The following FASTKD1 variants were observed in gnomAD, a reference collection of about 807,000 sequenced individuals.
The protein encoded by FASTKD1 is FAST kinase domains 1.
FASTKD1 carries 94 observed loss-of-function variants against 90.9 expected under a neutral mutation model. The ratio of observed to expected loss-of-function variants is 1.03; its 90% CI spans 0.88 to 1.23. FASTKD1 has a LOEUF of 1.23. Among genes scored for constraint, FASTKD1 ranks in the 50% most tolerant of loss-of-function variants. The pLI, the probability that FASTKD1 is intolerant of heterozygous loss-of-function variation, is 0.00. For synonymous variants in FASTKD1, 319 were observed against 345.8 expected (o/e 0.92, Z 0.86); for missense variants, 945 against 993.5 (o/e 0.95, Z 0.66).
At chr2:169,568,545 C>G (rs1051080799) in intron 3 of FASTKD1, among the ~76,000 whole-genome samples, 1 of 145,906 alleles carries the variant, frequency 6.9e-6, no homozygotes, top group South Asian at 2.1e-4. Context: ...ATAAACCCAG[C>G]ACTTTGTGAG....
Position 169,548,405 on chromosome 2 carries a change from C to T in FASTKD1, c.1215-1701G>A, listed in dbSNP as rs543120454. On this transcript the variant is annotated intron_variant, in intron 7 of 14. Coordinates refer to ENST00000453153, the MANE Select transcript of FASTKD1 (RefSeq NM_024622.6). ...ATCCCCATGGCAAGAGTCCCACCACCAGGACAATAATTGTTAAAAAAAAAA... is the reference window on the plus strand; with the variant it reads ...ATCCCCATGGCAAGAGTCCCACCACTAGGACAATAATTGTTAAAAAAAAAA... 9.0e-5 allele frequency among the ~76,000 whole-genome samples: 13 copies of T among 144,562 alleles called. No homozygotes were observed. In the South Asian group the frequency reaches 2.9e-3, roughly 32 times the overall value. 94.8% of individuals were successfully genotyped at this position (144,562 alleles called of 152,430 possible).
rs146923330 is a variant in FASTKD1, at chr2:169,540,171, C to A, written c.1825G>T (p.Asp609Tyr). The A allele has an allele frequency of 3.2e-6, 5 of 1,556,272 alleles. No homozygotes were observed. Among genetic ancestry groups the A allele is most frequent in the African/African-American group, 1.4e-5 (1 of 72,688 alleles). ...CCAAGAAACACTAATATAAAAGGAT[C>A]CAATATACCTAAAAGAAAATTAAGA... ...QHLNSYLGILDPFILVFLGFS... is the reference protein window; with the variant it reads ...QHLNSYLGILYPFILVFLGFS... Residue 609 changes from aspartate (D) to tyrosine (Y), a missense_variant, in exon 10 of 15, where the codon GAT becomes TAT. By Grantham distance (160) the Asp-to-Tyr change is radical. Coordinates refer to ENST00000453153, the MANE Select transcript of FASTKD1 (RefSeq NM_024622.6).
chr2:169,567,986 ATAAT>A (rs1158558389), intron 3 of FASTKD1, among the ~76,000 whole-genome samples: 2 of 152,242 alleles, frequency 1.3e-5, no homozygotes, highest in African/African-American at 4.8e-5. Context: ...CTTCTGATAT[ATAAT>A]TAGAGAATAA....
intron 3 of FASTKD1, 47 bp from the exon 4 acceptor site, chr2:169,563,397 T>G (rs781189182): frequency 3.0e-6 from 4 of 1,340,602 alleles, no homozygotes; most frequent in Non-Finnish European, 4.1e-6. Flanking sequence ...TTACTTTCAC[T>G]TAAAACACAT....
Position 169,560,762 on chromosome 2 carries a change from T to C in FASTKD1, c.596A>G (p.Asn199Ser), listed in dbSNP as rs1683554011. 2 of 1,574,356 alleles carry C rather than the reference T, an allele frequency of 1.3e-6. No homozygotes were observed. The highest frequency in any genetic ancestry group is 1.4e-5 in the African/African-American group (1 of 72,910). Reference sequence around the variant, plus strand: ...ATGTCGTGATATTAAAGAAGATATGTTGACCATCAAGACAGACAAGGAACT... The same window carrying C: ...ATGTCGTGATATTAAAGAAGATATGCTGACCATCAAGACAGACAAGGAACT... ...DLSSLSVLMV[N>S]ISSLISRHFQ... Residue 199 changes from asparagine to serine, a missense_variant, in exon 5 of 15, where the codon AAC becomes AGC. Physicochemically the swap from Asn to Ser is conservative, Grantham distance 46. Coordinates refer to ENST00000453153, the MANE Select transcript of FASTKD1 (RefSeq NM_024622.6).
intron 7 of FASTKD1, among the ~76,000 whole-genome samples, chr2:169,552,120 A>T (rs1206084800): frequency 6.6e-6 from 1 of 152,210 alleles, no homozygotes; most frequent in African/African-American, 2.4e-5. Flanking sequence ...GGAAGAAGGT[A>T]ATTCTGAAAC....
intron 2 of FASTKD1, among the ~76,000 whole-genome samples, chr2:169,569,848 C>T (rs1367161523): frequency 6.6e-6 from 1 of 152,008 alleles, no homozygotes; most frequent in African/African-American, 2.4e-5. Flanking sequence ...GAGACTCCAC[C>T]TCATAAATAA....
chr2:169,562,396 C>A (rs113083663), intron 4 of FASTKD1, among the ~76,000 whole-genome samples: 46 of 151,922 alleles, frequency 3.0e-4, no homozygotes, highest in African/African-American at 1.1e-3. Context: ...CCATGCCCAG[C>A]TAATTTTGTA....
intron 12 of FASTKD1, among the ~76,000 whole-genome samples, chr2:169,534,589 A>C (rs1684647569): frequency 6.6e-6 from 1 of 151,012 alleles, no homozygotes; most frequent in African/African-American, 2.4e-5. Flanking sequence ...CCTCAGGAGT[A>C]GCTGGGATTA....
chr2:169,564,010 G>C (rs1013108008), intron 3 of FASTKD1, among the ~76,000 whole-genome samples: 1 of 152,064 alleles, frequency 6.6e-6, no homozygotes, highest in Non-Finnish European at 1.5e-5. Context: ...GATCCTTTTT[G>C]GGTGAGAGGA....
At chr2:169,537,867 A>G in intron 11 of FASTKD1, 146 bp downstream of exon 11, 1 of 612,390 alleles carries the variant, frequency 1.6e-6, no homozygotes, top group East Asian at 3.1e-5. Context: ...TGTTTCACCT[A>G]CAATATCTCA....
In FASTKD1 at chr2:169,559,077, C is replaced by T. The variant is rs556972078; in HGVS notation, c.971+1310G>A. Among the ~76,000 whole-genome samples, 214 of 150,986 alleles carry T rather than the reference C, an allele frequency of 1.4e-3. 1 individual carries two copies. Among genetic ancestry groups the T allele is most frequent in the African/African-American group, 5.0e-3 (207 of 41,110 alleles). ...GCAACCTGCACCTCCCGGGTTCAAG[C>T]GATTCTCCTGCCTCAGCCTCCCGAG... On this transcript the variant is annotated intron_variant, in intron 5 of 14. Coordinates refer to ENST00000453153, the MANE Select transcript of FASTKD1 (RefSeq NM_024622.6).
Position 169,566,471 on chromosome 2 carries a change from G to A in FASTKD1, c.446+2713C>T, listed in dbSNP as rs530918329. On this transcript the variant is annotated intron_variant, in intron 3 of 14. Transcript: ENST00000453153. ...TTTTTAAAAAAAATTTGGATTTCTT[G>A]GGAGGCCAAGGTAGGAGGATTCCTT... is the stretch of plus-strand genomic sequence containing the variant. 3.3e-5 allele frequency among the ~76,000 whole-genome samples: 5 copies of A among 152,216 alleles called. No homozygotes were observed. In the South Asian group the frequency reaches 8.3e-4, roughly 25 times the overall value.
chr2:169,556,002 C>T (rs911136982), intron 6 of FASTKD1, among the ~76,000 whole-genome samples: 1 of 151,108 alleles, frequency 6.6e-6, no homozygotes, highest in Non-Finnish European at 1.5e-5. Flanking sequence ...TAGTAAGACC[C>T]TATCTCTACA....
intron 9 of FASTKD1, among the ~76,000 whole-genome samples, chr2:169,541,723 T>C (rs1181712839): frequency 3.3e-5 from 5 of 152,232 alleles, no homozygotes; most frequent in Non-Finnish European, 7.3e-5. Context: ...TAACATGTTA[T>C]GCTGGATATG....
At chr2:169,556,731 A>G (rs1478469912) in intron 6 of FASTKD1, among the ~76,000 whole-genome samples, 1 of 152,164 alleles carries the variant, frequency 6.6e-6, no homozygotes, top group Non-Finnish European at 1.5e-5. Context: ...AGGCTGAGAC[A>G]GGAGAATCGC....
chr2:169,536,530 T>C (rs1236568070), intron 12 of FASTKD1, among the ~76,000 whole-genome samples: 1 of 152,194 alleles, frequency 6.6e-6, no homozygotes, highest in Non-Finnish European at 1.5e-5. Flanking sequence ...ACACTGTTAG[T>C]TTATACCAAG....
In FASTKD1 at chr2:169,529,748, ATTT is replaced by A; in HGVS notation, c.*74_*76del. On this transcript the variant is annotated 3_prime_UTR_variant, in exon 15 of 15. Coordinates refer to ENST00000453153, the MANE Select transcript of FASTKD1 (RefSeq NM_024622.6). ...TTCCCACCTTAGGACATTTGTACCT[ATTT>A]TTTAATTGAGACAGGCCACTTTATT... The A allele has an allele frequency of 3.1e-6, 3 of 963,670 alleles. No individual in the cohort carries two copies. Among genetic ancestry groups the A allele is most frequent in the Non-Finnish European group, 4.7e-6 (3 of 633,942 alleles). The allele number at this position is 963,670 out of a possible 1,614,324, so 59.7% of individuals were successfully genotyped here.
chr2:169,540,010 G>A (rs1415042834), intron 10 of FASTKD1, 41 bp downstream of exon 10: 1 of 1,315,554 alleles, frequency 7.6e-7, no homozygotes, highest in Non-Finnish European at 1.1e-6. Context: ...TGGATATAAA[G>A]TACAACAGAT....
Sources: allele counts gnomAD v4.1 joint callset (sites outside exome capture counted in the v4.1 genomes callset), GRCh38; gene constraint gnomAD v4.1.1; transcripts MANE v1.5; gene names NCBI Gene and HGNC (gene_info 2026-07-23, HGNC 2026-07-21).